MFN1: variants seen among roughly 807,000 people sequenced by gnomAD.
MFN1 encodes mitofusin 1.
In MFN1, 65 loss-of-function variants were observed where a neutral mutation model predicts 92.4. The ratio of observed to expected loss-of-function variants is 0.70; its 90% CI spans 0.58 to 0.86. The LOEUF (loss-of-function observed/expected upper bound fraction) is 0.86. MFN1 is among the 40% of genes least tolerant of loss of function. The probability of loss-of-function intolerance (pLI) is 0.00; values close to 1 mark genes in which losing one functional copy is unlikely to be tolerated. For synonymous variants in MFN1, 297 were observed against 300.9 expected, an observed-to-expected ratio of 0.99 and a Z score of 0.13; for missense variants, 781 against 868.0, an observed-to-expected ratio of 0.90 and a Z score of 1.26.
At chr3:179,357,549 T>C (rs1032425324) in intron 3 of MFN1, among the ~76,000 whole-genome samples, 22 of 152,188 alleles carry the variant, frequency 1.4e-4, no homozygotes, top group African/African-American at 5.1e-4. Context: ...TCTTTCCCTC[T>C]TATGCTAAAG....
rs193215263 is a variant in MFN1, at chr3:179,348,912, A to G, written c.61A>G (p.Ile21Val). 1.6e-5 allele frequency: 26 copies of G among 1,606,742 alleles called. No homozygotes were observed. The East Asian group carries it at 4.3e-4, about 26-fold the overall frequency. Residue 21 changes from isoleucine (I) to valine (V), a missense_variant, in exon 2 of 18, where the codon ATC becomes GTC. Ile to Val is a conservative substitution (Grantham distance 29). Transcript: ENST00000471841. ...GCTGGCTAAGAAGGCGATTACTGCA[A>G]TCTTTGACCAGTTACTGGAGTTTGT... The part of the protein sequence containing the change: ...FVLAKKAITA[I>V]FDQLLEFVTE...
chr3:179,377,913 A>G (rs2108548657), intron 12 of MFN1, among the ~76,000 whole-genome samples: 1 of 152,214 alleles, frequency 6.6e-6, no homozygotes, highest in Non-Finnish European at 1.5e-5. Context: ...ATACAAAAAA[A>G]AAATTAGCCG....
At chr3:179,369,152 A>C (rs1456518759) in intron 9 of MFN1, among the ~76,000 whole-genome samples, 1 of 152,122 alleles carries the variant, frequency 6.6e-6, no homozygotes, top group Non-Finnish European at 1.5e-5. Flanking sequence ...TTACTCAAAG[A>C]CTATTGTTTG....
intron 10 of MFN1, among the ~76,000 whole-genome samples, chr3:179,375,913 C>G (rs1713222498): frequency 6.6e-6 from 1 of 152,130 alleles, no homozygotes; most frequent in African/African-American, 2.4e-5. Context: ...AAAATACCAG[C>G]ATTATCGATA....
chr3:179,349,252 T>C (rs2108520540), intron 2 of MFN1, among the ~76,000 whole-genome samples: 1 of 152,324 alleles, frequency 6.6e-6, no homozygotes, highest in Non-Finnish European at 1.5e-5. Flanking sequence ...CCATCTGTCA[T>C]TTTAAAGATG....
chr3:179,362,228 A>G, intron 4 of MFN1, 130 bp from the exon 5 acceptor site: 1 of 941,662 alleles, frequency 1.1e-6, no homozygotes, highest in Non-Finnish European at 1.4e-6. Flanking sequence ...AAGATTGCTC[A>G]GAAGGTTTTA....
chr3:179,379,950 G>A (rs1033248456), intron 14 of MFN1, among the ~76,000 whole-genome samples: 16 of 152,118 alleles, frequency 1.1e-4, no homozygotes, highest in Admixed American at 2.6e-4. Flanking sequence ...AGTTAAAAAC[G>A]AAGATCTTGA....
intron 14 of MFN1, among the ~76,000 whole-genome samples, chr3:179,385,271 G>C (rs1012709166): frequency 3.3e-5 from 5 of 149,346 alleles, no homozygotes; most frequent in African/African-American, 1.2e-4. Context: ...TTCAAGGATT[G>C]TGCTTTTGTT....
At chr3:179,359,776 T>C (rs572874181) in intron 4 of MFN1, 1 of 151,912 alleles carries the variant, frequency 6.6e-6, no homozygotes, top group African/African-American at 2.4e-5. Flanking sequence ...TTGAAAGCCA[T>C]CACTAAGTAT....
rs77121080 is a variant in MFN1 at position 179,353,753 on chromosome 3, C to A, written c.248+1718C>A. On this transcript the variant is annotated intron_variant, in intron 3 of 17. Transcript: ENST00000471841. ...TTATTCAGCTATCTGTGCTGTGTAC[C>A]AACAGAGGCATTTATTTACTAAATA... is the stretch of plus-strand genomic sequence containing the variant. Among the ~76,000 whole-genome samples the A allele has an allele frequency of 1.5e-3, 221 of 152,308 alleles. 1 individual carries two copies. The highest frequency in any genetic ancestry group is 2.4e-3 in the Non-Finnish European group (162 of 68,030).
intron 14 of MFN1, among the ~76,000 whole-genome samples, chr3:179,381,853 C>CA (rs1713480102): frequency 6.6e-6 from 1 of 152,114 alleles, no homozygotes; most frequent in South Asian, 2.1e-4. Context: ...ATGAAATATT[C>CA]AAAAATCCTA....
At chr3:179,368,274 A>C (rs1444508717) in intron 9 of MFN1, among the ~76,000 whole-genome samples, 171 bp downstream of exon 9, 1 of 152,104 alleles carries the variant, frequency 6.6e-6, no homozygotes, top group Non-Finnish European at 1.5e-5. Flanking sequence ...CCCCTGCAAA[A>C]TGATTTGTAA....
chr3:179,348,671 C>G, intron 1 of MFN1, 174 bp from the exon 2 acceptor site: 1 of 922,588 alleles, frequency 1.1e-6, no homozygotes, highest in Non-Finnish European at 1.5e-6. Context: ...AAATATCATT[C>G]AAAAGTCGTC....
intron 2 of MFN1, among the ~76,000 whole-genome samples, chr3:179,351,299 G>A (rs1012868798): frequency 1.3e-5 from 2 of 152,230 alleles, no homozygotes; most frequent in Non-Finnish European, 2.9e-5. Flanking sequence ...AAGAGTGAAA[G>A]TGGGATACAA....
At chr3:179,375,437 T>TA in intron 10 of MFN1, 96 bp downstream of exon 10, 1 of 1,446,476 alleles carries the variant, frequency 6.9e-7, no homozygotes, top group African/African-American at 1.4e-5. Flanking sequence ...AAATACTTTT[T>TA]ACACTGAAAT....
At chr3:179,363,758 G>T (rs1257273230) in intron 5 of MFN1, among the ~76,000 whole-genome samples, 1 of 151,988 alleles carries the variant, frequency 6.6e-6, no homozygotes, top group Non-Finnish European at 1.5e-5. Flanking sequence ...CAAAATGCTA[G>T]GATTATAGGA....
At chr3:179,367,985 A>T in intron 8 of MFN1, 51 bp from the exon 9 acceptor site, 1 of 1,239,420 alleles carries the variant, frequency 8.1e-7, no homozygotes, top group Non-Finnish European at 1.1e-6. Context: ...CCTACCAGAA[A>T]ACATATCTTG....
rs745549800 is a variant in MFN1, at chr3:179,365,110, T to A, written c.646-8T>A. On this transcript the variant is annotated splice_polypyrimidine_tract_variant and splice_region_variant and intron_variant, in intron 6 of 17. Coordinates refer to ENST00000471841, the MANE Select transcript of MFN1 (RefSeq NM_033540.3). ...TGAATGTACTGTGGGGTTTTTTTTG[T>A]TTTTCAGGAAAAACACTTTTTTCAC... 6.6e-7 allele frequency: 1 copy of A among 1,509,318 alleles called. No individual in the cohort carries two copies. Among genetic ancestry groups the A allele is most frequent in the South Asian group, 1.3e-5 (1 of 76,068 alleles). 93.5% of individuals were successfully genotyped at this position (1,509,318 alleles called of 1,614,324 possible). A position where few individuals can be genotyped will look rare whatever the true frequency, so the allele number is the denominator to read the frequency against.
At position 179,365,123 on chromosome 3, in the gene MFN1, A is replaced by G; in HGVS notation, c.651A>G (p.Lys217=). The change falls in exon 7 of 18, where the codon AAA becomes AAG. Residue 217 remains lysine, a synonymous_variant. Coordinates refer to ENST00000471841, the MANE Select transcript of MFN1 (RefSeq NM_033540.3). ...NSESTLMNTE[K]HFFHKVNERL... ...GGGTTTTTTTTGTTTTTCAGGAAAA[A>G]CACTTTTTTCACAAGGTGAATGAGC... is the stretch of plus-strand genomic sequence containing the variant. The G allele has an allele frequency of 1.3e-6, 2 of 1,531,226 alleles. No individual in the cohort carries two copies. Among genetic ancestry groups the G allele is most frequent in the Admixed American group, 2.5e-5 (1 of 39,806 alleles). The allele number at this position is 1,531,226 out of a possible 1,614,324, so 94.9% of individuals were successfully genotyped here. A position where few individuals can be genotyped will look rare whatever the true frequency, so the allele number is the denominator to read the frequency against.
Sources: gnomAD v4.1 joint callset for allele counts (sites outside exome capture counted in the v4.1 genomes callset) on GRCh38, gnomAD v4.1.1 for gene constraint, MANE v1.5 for transcripts, NCBI Gene and HGNC (gene_info 2026-07-23, HGNC 2026-07-21) for gene names.